ST8SIA5: variants seen among roughly 807,000 people sequenced by gnomAD.
The protein encoded by ST8SIA5 is alpha-2,8-sialyltransferase 8E.
ST8SIA5 carries 24 observed loss-of-function variants against 40.2 expected under a neutral mutation model. The observed-to-expected ratio is 0.60, with a 90% CI of 0.43 to 0.84. ST8SIA5 has a LOEUF of 0.84. Among genes scored for constraint, ST8SIA5 ranks in the 40% least tolerant of loss-of-function variants. The pLI is 0.00. For missense variants in ST8SIA5, 465 were observed against 498.5 expected (o/e 0.93, Z 0.64); for synonymous variants, 198 against 201.8 (o/e 0.98, Z 0.16).
chr18:46,729,993 G>A (rs2039971029), intron 1 of ST8SIA5, among the ~76,000 whole-genome samples: 1 of 152,138 alleles, frequency 6.6e-6, no homozygotes, highest in African/African-American at 2.4e-5. Flanking sequence ...TCAGTGAGGG[G>A]CAAATAGCTC....
intron 1 of ST8SIA5, among the ~76,000 whole-genome samples, chr18:46,753,041 T>C (rs1237686568): frequency 6.6e-6 from 1 of 152,160 alleles, no homozygotes; most frequent in African/African-American, 2.4e-5. Flanking sequence ...ATTGTTCTTC[T>C]CAATCTTCAA....
intron 1 of ST8SIA5, among the ~76,000 whole-genome samples, chr18:46,749,915 A>C (rs60225156): frequency 0.21 from 32,430 of 151,982 alleles, 3,514 homozygotes; most frequent in Admixed American, 0.23. Flanking sequence ...AGACTTAGCT[A>C]CCTCTCTTTC....
rs1227447348 is a variant in ST8SIA5, at chr18:46,674,846, G to C, written c.*5196C>G. The C allele has an allele frequency of 6.6e-6, 1 of 152,462 alleles. No individual in the cohort carries two copies. The highest frequency in any genetic ancestry group is 1.5e-5 in the Non-Finnish European group (1 of 68,246). The allele number at this position is 152,462 out of a possible 1,614,324, so 9.4% of individuals were successfully genotyped here. A position where few individuals can be genotyped will look rare whatever the true frequency, so the allele number is the denominator to read the frequency against. Reference sequence around the variant, plus strand: ...AAAGGAAGGAGAGAGGAACTTAGGAGTGTGAGGGCCATTCCAGGTGTTTGA... The same window carrying C: ...AAAGGAAGGAGAGAGGAACTTAGGACTGTGAGGGCCATTCCAGGTGTTTGA... On this transcript the variant is annotated 3_prime_UTR_variant, in exon 7 of 7. Coordinates refer to ENST00000315087, the MANE Select transcript of ST8SIA5 (RefSeq NM_013305.6).
chr18:46,730,270 C>T, intron 1 of ST8SIA5: 1 of 984,920 alleles, frequency 1.0e-6, no homozygotes, highest in African/African-American at 1.7e-5. Flanking sequence ...CATTCACTAG[C>T]AGTGTGACTC....
rs2039512523 is a variant in ST8SIA5, at chr18:46,692,169, T to C, written c.311A>G (p.Lys104Arg). 1 of 1,613,954 alleles carries C rather than the reference T, an allele frequency of 6.2e-7. No homozygotes were observed. The highest frequency in any genetic ancestry group is 8.5e-7 in the Non-Finnish European group (1 of 1,179,988). Residue 104 changes from lysine (K) to arginine (R), a missense_variant and splice_region_variant, in exon 3 of 7, where the codon AAG becomes AGG. By Grantham distance (26) the Lys-to-Arg change is conservative. Transcript: ENST00000315087. Reference protein sequence around the residue: ...AMNISEANQFKSTLSRCCNAP... With the variant: ...AMNISEANQFRSTLSRCCNAP... ...GGGAGGACAGACGAATCATAGATAC[T>C]TGAACTGGTTGGCCTCAGAGATGTT...
intron 1 of ST8SIA5, 34 bp downstream of exon 1, chr18:46,756,343 TC>T: frequency 6.2e-7 from 1 of 1,603,206 alleles, no homozygotes; most frequent in Non-Finnish European, 8.5e-7. Flanking sequence ...GCCGGCCGGC[TC>T]CGCGCATCCC....
chr18:46,687,835 T>C (rs2039462895), intron 4 of ST8SIA5, among the ~76,000 whole-genome samples: 1 of 152,230 alleles, frequency 6.6e-6, no homozygotes, highest in Non-Finnish European at 1.5e-5. Flanking sequence ...ATTCACTGAA[T>C]GCTGTCCTGG....
intron 2 of ST8SIA5, among the ~76,000 whole-genome samples, chr18:46,699,974 G>A (rs2039595369): frequency 6.6e-6 from 1 of 152,210 alleles, no homozygotes; most frequent in Non-Finnish European, 1.5e-5. Flanking sequence ...GCTCCCAGTG[G>A]CAGAAAAATG....
intron 1 of ST8SIA5, among the ~76,000 whole-genome samples, chr18:46,717,612 C>T (rs991415443): frequency 6.6e-6 from 1 of 152,160 alleles, no homozygotes; most frequent in Admixed American, 6.5e-5. Flanking sequence ...CAAATGTCAG[C>T]CTGCCCTACT....
At chr18:46,712,421 C>T (rs142581567) in intron 1 of ST8SIA5, among the ~76,000 whole-genome samples, 3 of 152,314 alleles carry the variant, frequency 2.0e-5, no homozygotes, top group Non-Finnish European at 2.9e-5. Flanking sequence ...GGAAAGGATT[C>T]GGTCTTCTCC....
chr18:46,713,458 G>T (rs1324416889), intron 1 of ST8SIA5, among the ~76,000 whole-genome samples: 1 of 152,202 alleles, frequency 6.6e-6, no homozygotes, highest in Non-Finnish European at 1.5e-5. Flanking sequence ...CTGAGGCCCA[G>T]TGGTCAGGGC....
At chr18:46,754,511 T>C (rs1235371479) in intron 1 of ST8SIA5, among the ~76,000 whole-genome samples, 1 of 152,202 alleles carries the variant, frequency 6.6e-6, no homozygotes, top group Non-Finnish European at 1.5e-5. Flanking sequence ...TACAGACCCT[T>C]ATCTACAGGC....
At chr18:46,694,836 T>TA (rs33979044) in intron 2 of ST8SIA5, among the ~76,000 whole-genome samples, 45,974 of 146,830 alleles carry the variant, frequency 0.31, 7,194 homozygotes, top group Middle Eastern at 0.39. Context: ...GTCCATTATT[T>TA]AAAAAAAAAA....
rs767563894 is a variant in ST8SIA5 at position 46,680,270 on chromosome 18, G to A, written c.903C>T (p.Thr301=). The change falls in exon 7 of 7, where the codon ACC becomes ACT. Residue 301 remains threonine, a synonymous_variant. Transcript: ENST00000315087. ...SLGVRAKRIS[T]GLILVTAALE... Reference sequence around the variant, plus strand: ...GCGCCGCAGTGACCAGAATGAGGCCGGTGCTGATGCGCTTGGCGCGCACCC... The same window carrying A: ...GCGCCGCAGTGACCAGAATGAGGCCAGTGCTGATGCGCTTGGCGCGCACCC... The A allele has an allele frequency of 8.7e-6, 14 of 1,614,246 alleles. No individual in the cohort carries two copies. Among genetic ancestry groups the A allele is most frequent in the East Asian group, 2.2e-5 (1 of 44,888 alleles).
chr18:46,684,883 G>A lies in ST8SIA5; in HGVS notation c.569+1291C>T, dbSNP rs896323526. 5.9e-5 allele frequency among the ~76,000 whole-genome samples: 9 copies of A among 152,110 alleles called. No individual in the cohort carries two copies. In the East Asian group the frequency reaches 9.6e-4, roughly 16 times the overall value. On this transcript the variant is annotated intron_variant, in intron 5 of 6. Transcript: ENST00000315087. Reference sequence around the variant, plus strand: ...AAAGGGTGCAAGTGGGTTTAGCCAGGGAAGGAGTGGGTGATTCTTGAGCTA... The same window carrying A: ...AAAGGGTGCAAGTGGGTTTAGCCAGAGAAGGAGTGGGTGATTCTTGAGCTA...
Position 46,680,246 on chromosome 18 carries a change from C to A in ST8SIA5, c.927G>T (p.Ala309=). Reference sequence around the variant, plus strand: ...GGTGCACCTCCTCACAGAGCTCCAGCGCCGCAGTGACCAGAATGAGGCCGG... The same window carrying A: ...GGTGCACCTCCTCACAGAGCTCCAGAGCCGCAGTGACCAGAATGAGGCCGG... ...ISTGLILVTA[A]LELCEEVHLF... is the part of the protein sequence containing the mutation. Residue 309 remains alanine, a synonymous_variant, in exon 7 of 7, where the codon GCG becomes GCT. Coordinates refer to ENST00000315087, the MANE Select transcript of ST8SIA5 (RefSeq NM_013305.6). The A allele has an allele frequency of 3.1e-6, 5 of 1,614,196 alleles. No individual in the cohort carries two copies. The highest frequency in any genetic ancestry group is 4.2e-6 in the Non-Finnish European group (5 of 1,180,028).
At chr18:46,737,811 C>G (rs1224075380) in intron 1 of ST8SIA5, among the ~76,000 whole-genome samples, 1 of 151,834 alleles carries the variant, frequency 6.6e-6, no homozygotes, top group Non-Finnish European at 1.5e-5. Flanking sequence ...CACTGTGTCG[C>G]CCAGGCTGGA....
intron 2 of ST8SIA5, among the ~76,000 whole-genome samples, chr18:46,698,958 T>C (rs1196143609): frequency 6.6e-6 from 1 of 152,246 alleles, no homozygotes; most frequent in Non-Finnish European, 1.5e-5. Flanking sequence ...GATGGAGTCC[T>C]GGTGCCTCCC....
chr18:46,715,150 C>T (rs1371916841), intron 1 of ST8SIA5, among the ~76,000 whole-genome samples: 1 of 152,240 alleles, frequency 6.6e-6, no homozygotes, highest in African/African-American at 2.4e-5. Flanking sequence ...AAATCCTTCC[C>T]AGTTGGGTGA....
Sources: gnomAD v4.1 joint callset for allele counts (sites outside exome capture counted in the v4.1 genomes callset) on GRCh38, gnomAD v4.1.1 for gene constraint, MANE v1.5 for transcripts, NCBI Gene and HGNC (gene_info 2026-07-23, HGNC 2026-07-21) for gene names.